The following STK39 variants were observed in gnomAD, a reference collection of about 807,000 sequenced individuals.
STK39 encodes serine/threonine kinase 39, also known as STE20/SPS1-related proline-alanine-rich protein kinase.
Under a neutral mutation model 77.8 loss-of-function variants are expected in STK39, and 20 were observed. The ratio of observed to expected loss-of-function variants is 0.26; its 90% CI spans 0.18 to 0.37. STK39 has a LOEUF of 0.37. Ranked by LOEUF, STK39 falls within the 10% of genes least tolerant of loss-of-function variation. STK39 has a pLI of 1.00. For missense variants in STK39, 479 were observed against 656.5 expected (o/e 0.73, Z 2.95); for synonymous variants, 246 against 234.1 (o/e 1.05, Z -0.47).
intron 2 of STK39, among the ~76,000 whole-genome samples, chr2:168,174,910 T>C (rs997170742): frequency 8.6e-5 from 13 of 151,484 alleles, no homozygotes; most frequent in Non-Finnish European, 1.6e-4. Flanking sequence ...CAAATTGTAC[T>C]GCTGGAAACC....
At chr2:168,171,323 C>T (rs1440203029) in intron 2 of STK39, among the ~76,000 whole-genome samples, 1 of 152,054 alleles carries the variant, frequency 6.6e-6, no homozygotes, top group African/African-American at 2.4e-5. Context: ...GCTGTTATGC[C>T]AGCCCTGCAA....
intron 14 of STK39, among the ~76,000 whole-genome samples, chr2:168,049,791 T>C (rs1332030648): frequency 6.6e-6 from 1 of 152,250 alleles, no homozygotes; most frequent in Non-Finnish European, 1.5e-5. Flanking sequence ...CTTGCCTGAC[T>C]TGTGTCTGTG....
chr2:167,962,557 A>G (rs1285071969), intron 17 of STK39, among the ~76,000 whole-genome samples: 2 of 152,184 alleles, frequency 1.3e-5, no homozygotes, highest in Non-Finnish European at 2.9e-5. Context: ...TGAACACCAC[A>G]CTACTACGTT....
At chr2:167,974,455 T>C (rs897320139) in intron 16 of STK39, among the ~76,000 whole-genome samples, 4 of 152,184 alleles carry the variant, frequency 2.6e-5, no homozygotes, top group African/African-American at 9.6e-5. Context: ...CATGTTTAGT[T>C]ACATAGGAAG....
At chr2:168,016,838 A>C (rs895476052) in intron 15 of STK39, among the ~76,000 whole-genome samples, 4 of 152,188 alleles carry the variant, frequency 2.6e-5, no homozygotes, top group Admixed American at 6.5e-5. Context: ...ACTGTGCCGC[A>C]TGTGTCACTG....
At chr2:168,226,944 A>C (rs754633896) in intron 1 of STK39, among the ~76,000 whole-genome samples, 5 of 152,350 alleles carry the variant, frequency 3.3e-5, no homozygotes, top group Non-Finnish European at 1.5e-5. Context: ...CACTCATAGA[A>C]TAGCAATGGA....
chr2:168,094,035 A>AT (rs1686595888), intron 10 of STK39, among the ~76,000 whole-genome samples: 1 of 152,134 alleles, frequency 6.6e-6, no homozygotes, highest in African/African-American at 2.4e-5. Flanking sequence ...AGACTACCAC[A>AT]TATCTTACAC....
intron 17 of STK39, among the ~76,000 whole-genome samples, chr2:167,957,365 T>C (rs923143502): frequency 3.3e-5 from 5 of 152,212 alleles, no homozygotes; most frequent in Non-Finnish European, 7.3e-5. Context: ...TCTGAAATGC[T>C]CTTCTCCTTA....
intron 16 of STK39, among the ~76,000 whole-genome samples, chr2:167,995,251 A>T (rs188312630): frequency 5.3e-5 from 8 of 152,058 alleles, no homozygotes; most frequent in Admixed American, 2.0e-4. Context: ...CTGGGACTAC[A>T]GGCACACGAC....
intron 16 of STK39, among the ~76,000 whole-genome samples, chr2:167,999,013 G>A (rs1683924315): frequency 6.6e-6 from 1 of 152,196 alleles, no homozygotes; most frequent in African/African-American, 2.4e-5. Context: ...CAATCGAGTT[G>A]AAACACTAGG....
chr2:168,221,009 C>A (rs1161371619), intron 1 of STK39, among the ~76,000 whole-genome samples: 2 of 152,058 alleles, frequency 1.3e-5, no homozygotes, highest in Non-Finnish European at 2.9e-5. Flanking sequence ...GGGTTGGTTT[C>A]TTTTGCATTG....
intron 4 of STK39, 175 bp downstream of exon 4, chr2:168,163,564 G>A (rs1688627717): frequency 1.0e-6 from 1 of 979,464 alleles, no homozygotes; most frequent in Non-Finnish European, 1.2e-6. Flanking sequence ...CCTGCAACAT[G>A]TGTTTCCTTA....
intron 16 of STK39, among the ~76,000 whole-genome samples, chr2:167,991,169 A>G (rs187433423): frequency 6.6e-6 from 1 of 152,234 alleles, no homozygotes. Context: ...TGGCCAACCA[A>G]GTCACTATTG....
chr2:168,096,634 G>A (rs934788496), intron 10 of STK39, among the ~76,000 whole-genome samples: 1 of 152,074 alleles, frequency 6.6e-6, no homozygotes, highest in Non-Finnish European at 1.5e-5. Flanking sequence ...TATTTTCTTA[G>A]AAATATGCAG....
chr2:168,140,564 C>T (rs1687954395), intron 6 of STK39, 85 bp downstream of exon 6: 4 of 1,245,842 alleles, frequency 3.2e-6, no homozygotes, highest in African/African-American at 1.5e-5. Context: ...TACTAAAATG[C>T]TAGATACAAA....
At chr2:168,218,886 C>T (rs929205467) in intron 1 of STK39, among the ~76,000 whole-genome samples, 2 of 151,746 alleles carry the variant, frequency 1.3e-5, no homozygotes, top group Admixed American at 6.6e-5. Context: ...TGGTACGAAC[C>T]GTGTTAAATC....
rs1688121734 is a variant in STK39, at chr2:168,145,777, T to A, written c.629-5019A>T. 2.0e-5 allele frequency among the ~76,000 whole-genome samples: 3 copies of A among 152,188 alleles called. No homozygotes were observed. The South Asian group carries it at 6.2e-4, about 32-fold the overall frequency. On this transcript the variant is annotated intron_variant, in intron 5 of 17. Coordinates refer to ENST00000355999, the MANE Select transcript of STK39 (RefSeq NM_013233.3). ...AGAATGTCCAGTGCTGGGGGGGTTC[T>A]GATAGCACTCGACTCAGGATGCCAG...
chr2:168,003,022 C>T lies in STK39; in HGVS notation c.1498+9612G>A, dbSNP rs376192960. 4.5e-4 allele frequency among the ~76,000 whole-genome samples: 68 copies of T among 152,256 alleles called. 1 individual carries two copies. The highest frequency in any genetic ancestry group is 1.6e-3 in the African/African-American group (66 of 41,552). Reference sequence around the variant, plus strand: ...TTTTTGAGATGGAGTCTCGCTCTGTCGCCCAGGCTGGAGGGCAGTGGCACA... The same window carrying T: ...TTTTTGAGATGGAGTCTCGCTCTGTTGCCCAGGCTGGAGGGCAGTGGCACA... On this transcript the variant is annotated intron_variant, in intron 16 of 17. Coordinates refer to ENST00000355999, the MANE Select transcript of STK39 (RefSeq NM_013233.3).
intron 1 of STK39, among the ~76,000 whole-genome samples, chr2:168,241,163 G>C (rs921305676): frequency 6.6e-6 from 1 of 152,176 alleles, no homozygotes; most frequent in East Asian, 1.9e-4. Context: ...TTAAACATAA[G>C]AGACAGGCTT....
Sources: gnomAD v4.1 joint callset for allele counts (sites outside exome capture counted in the v4.1 genomes callset) on GRCh38, gnomAD v4.1.1 for gene constraint, MANE v1.5 for transcripts, NCBI Gene and HGNC (gene_info 2026-07-23, HGNC 2026-07-21) for gene names.